ZFP1: variants seen among roughly 807,000 people sequenced by gnomAD.
The protein encoded by ZFP1 is zinc finger protein 1 homolog.
A neutral mutation model predicts 38.5 loss-of-function variants in ZFP1; 32 were observed. The observed-to-expected ratio is 0.83, with a 90% confidence interval of 0.63 to 1.12. The LOEUF is 1.12. ZFP1 is among the 50% of genes most tolerant of loss of function. The pLI, the probability that ZFP1 is intolerant of heterozygous loss-of-function variation, is 0.00. For missense variants in ZFP1, 616 were observed against 480.8 expected (o/e 1.28, Z -2.63); for synonymous variants, 245 against 168.8 (o/e 1.45, Z -3.50).
At chr16:75,143,858 T>C, upstream of ZFP1, among the ~76,000 whole-genome samples, 1 of 151,706 alleles carries the variant, frequency 6.6e-6, no homozygotes, top group Non-Finnish European at 1.5e-5. Flanking sequence ...TTTGCCATGT[T>C]CCCCAGGCTT....
chr16:75,124,483 TA>T, the ZFP1 span, among the ~76,000 whole-genome samples: 2 of 143,996 alleles, frequency 1.4e-5, no homozygotes, highest in Non-Finnish European at 3.1e-5. Flanking sequence ...AAAGGTCATG[TA>T]TAAAACAAGG....
intron 2 of ZFP1, among the ~76,000 whole-genome samples, chr16:75,158,048 A>T (rs993496787): frequency 2.0e-5 from 3 of 151,712 alleles, no homozygotes; most frequent in Admixed American, 1.3e-4. Flanking sequence ...TCAGCCTCCC[A>T]AAGTTCTGGG....
upstream of ZFP1, among the ~76,000 whole-genome samples, chr16:75,144,852 A>G (rs2036926434): frequency 6.6e-6 from 1 of 152,104 alleles, no homozygotes; most frequent in Admixed American, 6.6e-5. Flanking sequence ...CTTTTAAGAA[A>G]CAGAGTCTCA....
At chr16:75,159,667 A>G (rs1029053253) in intron 2 of ZFP1, among the ~76,000 whole-genome samples, 1 of 151,756 alleles carries the variant, frequency 6.6e-6, no homozygotes, top group South Asian at 2.1e-4. Flanking sequence ...CAGCCTCCCA[A>G]AGTGCTGGGA....
Position 75,169,640 on chromosome 16 carries a change from T to C in ZFP1, c.530T>C (p.Ile177Thr), listed in dbSNP as rs538400568. ...HKAAIFKHQK[I>T]KNLVQPFICT... ...GCAGCCATTTTTAAACATCAGAAAA[T>C]AAAAAACTTGGTTCAACCTTTCATT... The change falls in exon 4 of 4, where the codon ATA (isoleucine) becomes ACA (threonine). Residue 177 changes from isoleucine to threonine, a missense_variant. Transcript: ENST00000570010. The C allele has an allele frequency of 5.0e-6, 8 of 1,593,636 alleles. No individual in the cohort carries two copies. The highest frequency in any genetic ancestry group is 6.8e-6 in the Non-Finnish European group (8 of 1,174,474).
chr16:75,123,366 G>GTATA, the ZFP1 span, among the ~76,000 whole-genome samples: 49 of 138,220 alleles, frequency 3.5e-4, no homozygotes, highest in Admixed American at 1.4e-3. Context: ...ATATATATGT[G>GTATA]TATATATATA....
At chr16:75,150,993 G>T (rs1395880592) in intron 1 of ZFP1, among the ~76,000 whole-genome samples, 1 of 151,962 alleles carries the variant, frequency 6.6e-6, no homozygotes, top group Admixed American at 6.6e-5. Context: ...GAGTAGCTAG[G>T]ACTCAAGGTG....
At chr16:75,122,177 G>A in the ZFP1 span, among the ~76,000 whole-genome samples, 3,730 of 152,304 alleles carry the variant, frequency 0.024, 170 homozygotes, top group African/African-American at 0.086. Flanking sequence ...CTTGGACAGG[G>A]GAGGGGCAGG....
At chr16:75,165,132 A>G (rs985345737) in intron 2 of ZFP1, among the ~76,000 whole-genome samples, 7 of 151,946 alleles carry the variant, frequency 4.6e-5, no homozygotes, top group African/African-American at 1.7e-4. Flanking sequence ...ATTGGAACAC[A>G]GCCATGCCTA....
At chr16:75,163,352 T>C (rs2037887529) in intron 2 of ZFP1, among the ~76,000 whole-genome samples, 1 of 152,098 alleles carries the variant, frequency 6.6e-6, no homozygotes, top group Non-Finnish European at 1.5e-5. Flanking sequence ...TTGCCCAGGC[T>C]AGAGTGTAGT....
rs141540238 is a variant in ZFP1, at chr16:75,169,827, T to A, written c.717T>A (p.Pro239=). Residue 239 remains proline (P), a synonymous_variant, in exon 4 of 4, where the codon CCT becomes CCA. Transcript: ENST00000570010. ...AGAGAATTCACACTGGGGAGAAACCTTTCGAGTGTCCGGAATGTGGAAAAG... is the reference window on the plus strand; with the variant it reads ...AGAGAATTCACACTGGGGAGAAACCATTCGAGTGTCCGGAATGTGGAAAAG... ...KHQRIHTGEK[P]FECPECGKAF... 2.2e-5 allele frequency: 36 copies of A among 1,613,842 alleles called. No individual in the cohort carries two copies. The South Asian group carries it at 3.1e-4, about 14-fold the overall frequency.
upstream of ZFP1, among the ~76,000 whole-genome samples, chr16:75,146,332 T>G (rs1396440923): frequency 6.6e-6 from 1 of 151,904 alleles, no homozygotes; most frequent in Non-Finnish European, 1.5e-5. Flanking sequence ...CCGGCTAATT[T>G]TTATTTTTGT....
intron 1 of ZFP1, among the ~76,000 whole-genome samples, chr16:75,152,075 T>G (rs1175127965): frequency 3.3e-5 from 5 of 152,334 alleles, no homozygotes; most frequent in Non-Finnish European, 5.9e-5. Context: ...TGGCTATGAT[T>G]CATTATCTTG....
At chr16:75,138,813 C>T in the ZFP1 span, among the ~76,000 whole-genome samples, 28 of 152,196 alleles carry the variant, frequency 1.8e-4, 1 homozygote, top group Non-Finnish European at 4.4e-5. Context: ...CTTGCCGACA[C>T]CTTGCCTTTA....
chr16:75,155,849 CTT>C (rs1378158990), intron 2 of ZFP1, among the ~76,000 whole-genome samples: 6 of 152,056 alleles, frequency 3.9e-5, no homozygotes, highest in Non-Finnish European at 7.4e-5. Flanking sequence ...CACTTATAGT[CTT>C]AATATAAAAT....
the ZFP1 span, among the ~76,000 whole-genome samples, chr16:75,131,924 C>A: frequency 1.3e-5 from 2 of 151,526 alleles, no homozygotes; most frequent in South Asian, 4.2e-4. Flanking sequence ...AAGATCACAC[C>A]ACTGTACTCC....
chr16:75,140,657 A>G, the ZFP1 span, among the ~76,000 whole-genome samples: 2 of 152,170 alleles, frequency 1.3e-5, no homozygotes, highest in African/African-American at 2.4e-5. Context: ...AAAGGAATAG[A>G]AAATAAAAAC....
rs1449502458 is a variant in ZFP1 at position 75,171,428 on chromosome 16, C to CA, written c.*1095dup. On this transcript the variant is annotated 3_prime_UTR_variant, in exon 4 of 4. Transcript: ENST00000570010. ...ACACTATTTTGTTGTTTAAAGGAGG[C>CA]ATTTCTACTTCCTTGAGTTTTGCTG... 3.9e-5 allele frequency: 6 copies of CA among 152,214 alleles called. No individual in the cohort carries two copies. 9.4% of individuals were successfully genotyped at this position (152,214 alleles called of 1,614,324 possible). A position where few individuals can be genotyped will look rare whatever the true frequency, so the allele number is the denominator to read the frequency against.
At chr16:75,138,265 G>A in the ZFP1 span, among the ~76,000 whole-genome samples, 1 of 151,938 alleles carries the variant, frequency 6.6e-6, no homozygotes, top group Admixed American at 6.6e-5. Context: ...TCTGTCTCTT[G>A]AGCTTATGAT....
Sources: gnomAD v4.1 joint callset for allele counts (sites outside exome capture counted in the v4.1 genomes callset) on GRCh38, gnomAD v4.1.1 for gene constraint, MANE v1.5 for transcripts, NCBI Gene and HGNC (gene_info 2026-07-23, HGNC 2026-07-21) for gene names.